RPL9: variants seen among roughly 807,000 people sequenced by gnomAD.
The protein encoded by RPL9 is large ribosomal subunit protein uL6.
For synonymous variants in RPL9, 82 were observed against 77.1 expected, an observed-to-expected ratio of 1.06 and a Z score of -0.33; for missense variants, 149 against 236.7, an observed-to-expected ratio of 0.63 and a Z score of 2.43.
chr4:39,456,603 T>A (rs1578224076), intron 4 of RPL9, 65 bp from the exon 5 acceptor site: 2 of 1,545,572 alleles, frequency 1.3e-6, no homozygotes, highest in African/African-American at 2.8e-5. Flanking sequence ...TTTTAAAATT[T>A]TCTAAGATGC....
chr4:39,455,024 T>G, intron 5 of RPL9, 80 bp from the exon 6 acceptor site: 1 of 1,360,222 alleles, frequency 7.4e-7, no homozygotes, highest in Non-Finnish European at 1.0e-6. Flanking sequence ...ATTTATTCCA[T>G]GTAAAACTCC....
chr4:39,456,361 T>C (rs1469663863), intron 5 of RPL9, 45 bp downstream of exon 5: 5 of 1,611,700 alleles, frequency 3.1e-6, no homozygotes, highest in Non-Finnish European at 4.2e-6. Context: ...AGGAAAAAAA[T>C]ATGAAGGAAA....
At position 39,458,885 on chromosome 4, in the gene RPL9, C is replaced by T. The variant is rs144566412; in HGVS notation, c.-2+6G>A. 4.3e-6 allele frequency: 3 copies of T among 701,886 alleles called. No individual in the cohort carries two copies. The highest frequency in any genetic ancestry group is 1.7e-5 in the African/African-American group (1 of 57,256). The allele number at this position is 701,886 out of a possible 1,614,324, so 43.5% of individuals were successfully genotyped here. A position where few individuals can be genotyped will look rare whatever the true frequency, so the allele number is the denominator to read the frequency against. On this transcript the variant is annotated splice_donor_region_variant and intron_variant, in intron 1 of 7. Transcript: ENST00000295955. ...AGTACCCCCACGAGCACAGAAACATCCTTACCTCGCAGTAGACGCAGCAAA... is the reference window on the plus strand; with the variant it reads ...AGTACCCCCACGAGCACAGAAACATTCTTACCTCGCAGTAGACGCAGCAAA...
intron 5 of RPL9, chr4:39,456,156 T>TAAATA (rs912065223): frequency 7.4e-5 from 37 of 500,866 alleles, no homozygotes. Flanking sequence ...TTTGCCAAGT[T>TAAATA]AAATACAACC....
At position 39,458,202 on chromosome 4, in the gene RPL9, T is replaced by C; in HGVS notation, c.154A>G (p.Lys52Glu). The change falls in exon 3 of 8, where the codon AAA becomes GAA. Residue 52 changes from lysine to glutamate, a missense_variant. Lys to Glu is a moderately conservative substitution (Grantham distance 56). Transcript: ENST00000295955. The part of the protein sequence containing the change: ...NVELSLLGKK[K>E]KRLRVDKWWG... The stretch of plus-strand genomic sequence containing the variant: ...AGAAGAAAAACCCTCACCCTCTTTT[T>C]TTTCTTTCCAAGAAGGCTGAGTTCT... The C allele has an allele frequency of 6.2e-7, 1 of 1,614,180 alleles. No homozygotes were observed. Among genetic ancestry groups the C allele is most frequent in the Middle Eastern group, 1.7e-4 (1 of 6,058 alleles).
At position 39,458,269 on chromosome 4, in the gene RPL9, G is replaced by A; in HGVS notation, c.87C>T (p.Gly29=). The change falls in exon 3 of 8, where the codon GGC becomes GGT. Residue 29 remains glycine, a synonymous_variant. Coordinates refer to ENST00000295955, the MANE Select transcript of RPL9 (RefSeq NM_000661.5). ...TLKGRTVIVK[G]PRGTLRRDFN... ...AGTCCCTCCGCAGGGTTCCTCTGGG[G>A]CCCTTCACGATAACTGTGCGTCCCT... is the stretch of plus-strand genomic sequence containing the variant. 1 of 1,614,108 alleles carries A rather than the reference G, an allele frequency of 6.2e-7. No homozygotes were observed. Among genetic ancestry groups the A allele is most frequent in the Non-Finnish European group, 8.5e-7 (1 of 1,180,014 alleles).
intron 1 of RPL9, 123 bp downstream of exon 1, chr4:39,458,768 G>A (rs1744247326): frequency 1.5e-6 from 1 of 679,252 alleles, no homozygotes; most frequent in South Asian, 1.5e-5. Flanking sequence ...AGGCTCATAT[G>A]GCGCTTGCCG....
In RPL9 at chr4:39,454,855, C is replaced by G. The variant is rs766040060; in HGVS notation, c.472+9G>C. 1 of 1,612,564 alleles carries G rather than the reference C, an allele frequency of 6.2e-7. No individual in the cohort carries two copies. Among genetic ancestry groups the G allele is most frequent in the Non-Finnish European group, 8.5e-7 (1 of 1,179,206 alleles). ...TGTAGGCATAGTTAGACATAGTAAA[C>G]ATACAAACCTGAATTTGAAACAAGC... is the stretch of plus-strand genomic sequence containing the variant. On this transcript the variant is annotated intron_variant, in intron 6 of 7. Coordinates refer to ENST00000295955, the MANE Select transcript of RPL9 (RefSeq NM_000661.5).
chr4:39,457,807 A>G, intron 3 of RPL9, 126 bp from the exon 4 acceptor site: 1 of 827,696 alleles, frequency 1.2e-6, no homozygotes, highest in Middle Eastern at 2.2e-4. Flanking sequence ...TTCAACTGGA[A>G]AAATCCAACC....
intron 3 of RPL9, 23 bp from the exon 4 acceptor site, chr4:39,457,704 T>A (rs766279517): frequency 6.3e-7 from 1 of 1,589,336 alleles, no homozygotes; most frequent in Admixed American, 1.7e-5. Context: ...AAAAAATGTA[T>A]TCTTTCCAGA....
At chr4:39,455,899 T>C (rs1274013529) in intron 5 of RPL9, 2 of 183,404 alleles carry the variant, frequency 1.1e-5, no homozygotes, top group East Asian at 1.6e-4. Context: ...TGCAGAGAGA[T>C]GACATGCCCA....
chr4:39,457,307 T>C (rs1744130575), intron 4 of RPL9: 1 of 272,564 alleles, frequency 3.7e-6, no homozygotes, highest in East Asian at 7.7e-5. Context: ...GGTGGGAGGA[T>C]CACTTGAGCT....
intron 4 of RPL9, 102 bp downstream of exon 4, chr4:39,457,484 A>C: frequency 9.8e-7 from 1 of 1,024,230 alleles, no homozygotes; most frequent in Non-Finnish European, 1.5e-6. Flanking sequence ...ACACCAAATA[A>C]AATACATGAC....
chr4:39,458,888 T>C lies in RPL9; in HGVS notation c.-2+3A>G, dbSNP rs557550245. 8.5e-4 allele frequency: 599 copies of C among 702,074 alleles called. 13 individuals are homozygous for C. Among genetic ancestry groups the C allele is most frequent in the South Asian group, 8.4e-3 (565 of 66,922 alleles). The allele number at this position is 702,074 out of a possible 1,614,324, so 43.5% of individuals were successfully genotyped here. On this transcript the variant is annotated splice_donor_region_variant and intron_variant, in intron 1 of 7. Coordinates refer to ENST00000295955, the MANE Select transcript of RPL9 (RefSeq NM_000661.5). ...ACCCCCACGAGCACAGAAACATCCT[T>C]ACCTCGCAGTAGACGCAGCAAAGAA...
At chr4:39,456,215 CATA>C (rs1406646041) in intron 5 of RPL9, 188 bp downstream of exon 5, 9 of 643,976 alleles carry the variant, frequency 1.4e-5, no homozygotes, top group Middle Eastern at 5.4e-4. Flanking sequence ...TTGTAATCGA[CATA>C]ATGATATAAA....
rs1030248171 is a variant in RPL9, at chr4:39,458,903, G to A, written c.-14C>T. 1.1e-5 allele frequency: 8 copies of A among 705,544 alleles called. No homozygotes were observed. The highest frequency in any genetic ancestry group is 2.7e-5 in the East Asian group (1 of 37,180). 43.7% of individuals were successfully genotyped at this position (705,544 alleles called of 1,614,324 possible). Reference sequence around the variant, plus strand: ...GAAACATCCTTACCTCGCAGTAGACGCAGCAAAGAAAGAACGTCTGTCGTC... The same window carrying A: ...GAAACATCCTTACCTCGCAGTAGACACAGCAAAGAAAGAACGTCTGTCGTC... On this transcript the variant is annotated 5_prime_UTR_variant, in exon 1 of 8. Coordinates refer to ENST00000295955, the MANE Select transcript of RPL9 (RefSeq NM_000661.5).
At chr4:39,456,658 A>T in intron 4 of RPL9, 120 bp from the exon 5 acceptor site, 1 of 1,097,024 alleles carries the variant, frequency 9.1e-7, no homozygotes, top group Non-Finnish European at 1.3e-6. Context: ...AGATTTTCTA[A>T]TAACTGTCAC....
At chr4:39,455,100 A>T (rs914967932) in intron 5 of RPL9, 156 bp from the exon 6 acceptor site, 1 of 694,814 alleles carries the variant, frequency 1.4e-6, no homozygotes. Flanking sequence ...CTGTAATCTC[A>T]GCACTTTGGG....
intron 1 of RPL9, 27 bp downstream of exon 1, chr4:39,458,864 C>A (rs1349250497): frequency 4.3e-6 from 3 of 697,532 alleles, no homozygotes; most frequent in African/African-American, 1.7e-5. Flanking sequence ...ATTCCCAGTA[C>A]CCCCACGAGC....
Sources: gnomAD v4.1 joint callset for allele counts on GRCh38, gnomAD v4.1.1 for gene constraint, MANE v1.5 for transcripts, NCBI Gene and HGNC (gene_info 2026-07-23, HGNC 2026-07-21) for gene names.